The following SLC35D4 variants were observed in gnomAD, a reference collection of about 807,000 sequenced individuals.
SLC35D4 encodes UDP-N-acetylglucosamine transporter SLC35D4.
At chr18:23,376,859 C>T in the SLC35D4 span, 1 of 456,742 alleles carries the variant, frequency 2.2e-6, no homozygotes, top group Non-Finnish European at 4.4e-6. Flanking sequence ...GCTTTACCGC[C>T]TCTCTTTGAC....
the SLC35D4 span, among the ~76,000 whole-genome samples, chr18:23,270,189 C>T: frequency 6.6e-6 from 1 of 152,210 alleles, no homozygotes; most frequent in African/African-American, 2.4e-5. Flanking sequence ...GTCCCAGATG[C>T]TCTAGCCATG....
chr18:23,388,126 G>A, the SLC35D4 span, among the ~76,000 whole-genome samples: 1 of 152,142 alleles, frequency 6.6e-6, no homozygotes, highest in African/African-American at 2.4e-5. Context: ...TCAGTAATGA[G>A]GTCAGATAAT....
the SLC35D4 span, among the ~76,000 whole-genome samples, chr18:23,313,126 CAAAAAAAAAAAAAAA>C: frequency 0.029 from 849 of 29,544 alleles, 24 homozygotes; most frequent in African/African-American, 0.073. Context: ...GACTACATCT[CAAAAAAAAAAAAAAA>C]AAAAAAAAAA....
chr18:23,285,825 TC>T, the SLC35D4 span, among the ~76,000 whole-genome samples: 1 of 139,832 alleles, frequency 7.2e-6, no homozygotes, highest in East Asian at 2.4e-4. Flanking sequence ...TGACTAGCCC[TC>T]CCCCACCCGC....
chr18:23,360,086 T>C, the SLC35D4 span, among the ~76,000 whole-genome samples: 29 of 152,220 alleles, frequency 1.9e-4, no homozygotes, highest in Admixed American at 1.6e-3. Context: ...GGAAGCTCAG[T>C]CAAAAGCACT....
chr18:23,383,260 T>A, the SLC35D4 span, among the ~76,000 whole-genome samples: 1 of 151,660 alleles, frequency 6.6e-6, no homozygotes, highest in South Asian at 2.1e-4. Context: ...TTCCAGAAAG[T>A]ATGTGGCATG....
At chr18:23,425,562 TTA>T in the SLC35D4 span, among the ~76,000 whole-genome samples, 1 of 152,148 alleles carries the variant, frequency 6.6e-6, no homozygotes, top group African/African-American at 2.4e-5. Flanking sequence ...TTCAGAACAT[TTA>T]TATTAGTGTG....
chr18:23,411,548 A>G, the SLC35D4 span, among the ~76,000 whole-genome samples: 7 of 150,286 alleles, frequency 4.7e-5, no homozygotes, highest in Non-Finnish European at 8.9e-5. Flanking sequence ...AAAGAAAGAA[A>G]GAAAGGTGTG....
the SLC35D4 span, among the ~76,000 whole-genome samples, chr18:23,329,720 G>A: frequency 1.3e-5 from 2 of 152,262 alleles, no homozygotes; most frequent in South Asian, 2.1e-4. Context: ...ATACCCAAAG[G>A]ATTATAAATC....
chr18:23,339,816 T>C, the SLC35D4 span, among the ~76,000 whole-genome samples: 1 of 152,148 alleles, frequency 6.6e-6, no homozygotes, highest in Non-Finnish European at 1.5e-5. Flanking sequence ...TGGGACCTCT[T>C]TTACAAGGAC....
chr18:23,343,174 C>T, the SLC35D4 span, among the ~76,000 whole-genome samples: 7 of 152,214 alleles, frequency 4.6e-5, no homozygotes, highest in Non-Finnish European at 7.3e-5. Context: ...CCACCTGCCT[C>T]GGCTTCCCAG....
the SLC35D4 span, among the ~76,000 whole-genome samples, chr18:23,254,493 T>G: frequency 1.3e-5 from 2 of 152,226 alleles, no homozygotes; most frequent in Non-Finnish European, 2.9e-5. Context: ...GCCAACTGAT[T>G]AGAAGACAGA....
the SLC35D4 span, chr18:23,437,746 C>T: frequency 6.3e-7 from 1 of 1,599,350 alleles, no homozygotes. Context: ...AAACCTCCCA[C>T]GTGCAATCGC....
the SLC35D4 span, among the ~76,000 whole-genome samples, chr18:23,338,309 A>G: frequency 6.6e-6 from 1 of 152,194 alleles, no homozygotes; most frequent in Non-Finnish European, 1.5e-5. Context: ...ACAGTCCACA[A>G]CTAAATTCAC....
At chr18:23,295,645 A>G in the SLC35D4 span, among the ~76,000 whole-genome samples, 1 of 152,180 alleles carries the variant, frequency 6.6e-6, no homozygotes, top group Non-Finnish European at 1.5e-5. Context: ...TAAGGTACTC[A>G]AGTTCCAAAT....
At chr18:23,368,024 A>T in the SLC35D4 span, among the ~76,000 whole-genome samples, 39 of 152,326 alleles carry the variant, frequency 2.6e-4, no homozygotes, top group African/African-American at 8.7e-4. Context: ...GGATACAAAC[A>T]GAAGTCCACA....
chr18:23,275,019 T>C, the SLC35D4 span, among the ~76,000 whole-genome samples: 2 of 148,682 alleles, frequency 1.3e-5, no homozygotes, highest in Non-Finnish European at 3.0e-5. Flanking sequence ...ATGTGTGTGC[T>C]TGTGTGTCTG....
chr18:23,380,825 T>C, the SLC35D4 span, among the ~76,000 whole-genome samples: 2 of 151,900 alleles, frequency 1.3e-5, no homozygotes, highest in Admixed American at 6.6e-5. Context: ...TGTGTGTGCA[T>C]GAATACACAA....
chr18:23,423,005 C>T, the SLC35D4 span, among the ~76,000 whole-genome samples: 2 of 152,224 alleles, frequency 1.3e-5, no homozygotes, highest in Non-Finnish European at 2.9e-5. Flanking sequence ...TGCGACACTA[C>T]AGTTGAGAAC....
Sources: gnomAD v4.1 joint callset for allele counts (sites outside exome capture counted in the v4.1 genomes callset) on GRCh38, gnomAD v4.1.1 for gene constraint, MANE v1.5 for transcripts, NCBI Gene and HGNC (gene_info 2026-07-23, HGNC 2026-07-21) for gene names.